DMD: variants seen among roughly 807,000 people sequenced by gnomAD.
DMD encodes the protein mutant dystrophin.
A neutral mutation model predicts 330.1 loss-of-function variants in DMD; 63 were observed. The ratio of observed to expected loss-of-function variants is 0.19; its 90% CI spans 0.16 to 0.24. DMD has a LOEUF of 0.24. Among genes scored for constraint, DMD ranks in the 10% least tolerant of loss-of-function variants. The probability of loss-of-function intolerance (pLI) is 1.00; values close to 1 mark genes in which losing one functional copy is unlikely to be tolerated. For synonymous variants in DMD, 1,223 were observed against 959.8 expected, an observed-to-expected ratio of 1.27 and a Z score of -5.07; for missense variants, 3,344 against 2,684.1, an observed-to-expected ratio of 1.25 and a Z score of -5.43.
At chrX:31,396,470 T>C (rs2060945044) in intron 60 of DMD, among the ~76,000 whole-genome samples, 1 of 109,743 alleles carries the variant, frequency 9.1e-6, no homozygotes, top group Non-Finnish European at 1.9e-5. Context: ...TACATAAATA[T>C]GTGTGCACTT....
At chrX:32,025,220 C>T (rs1271691841) in intron 44 of DMD, among the ~76,000 whole-genome samples, 3 of 112,027 alleles carry the variant, frequency 2.7e-5, no homozygotes, top group Non-Finnish European at 5.6e-5. Flanking sequence ...TTGCATTTGA[C>T]TTCGTATCAC....
At chrX:32,501,967 T>C in intron 18 of DMD, 125 bp from the exon 19 acceptor site, 1 of 525,595 alleles carries the variant, frequency 1.9e-6, no homozygotes, top group Middle Eastern at 3.5e-4. Context: ...CACGTGAATC[T>C]AAAGACTTTT....
intron 16 of DMD, among the ~76,000 whole-genome samples, chrX:32,554,658 G>T (rs971294869): frequency 2.8e-5 from 3 of 108,014 alleles, no homozygotes; most frequent in African/African-American, 1.0e-4. Flanking sequence ...CCCAGGTCCA[G>T]ATGGAATCAT....
intron 21 of DMD, among the ~76,000 whole-genome samples, chrX:32,481,821 G>C (rs189231586): frequency 9.0e-6 from 1 of 111,706 alleles, no homozygotes; most frequent in Non-Finnish European, 1.9e-5. Flanking sequence ...AAGACATATT[G>C]CTCTTGATTT....
intron 7 of DMD, among the ~76,000 whole-genome samples, chrX:32,735,132 G>C (rs983501200): frequency 1.8e-5 from 2 of 108,169 alleles, no homozygotes; most frequent in African/African-American, 3.5e-5. Context: ...CAGACAAGCA[G>C]AGAGCCAAAT....
At chrX:31,943,957 T>G (rs2095047121) in intron 45 of DMD, among the ~76,000 whole-genome samples, 1 of 105,458 alleles carries the variant, frequency 9.5e-6, no homozygotes, top group African/African-American at 3.4e-5. Context: ...ATCACTTTCA[T>G]ACTCGAGCAG....
intron 4 of DMD, among the ~76,000 whole-genome samples, chrX:32,840,827 G>T (rs2080095197): frequency 9.0e-6 from 1 of 111,532 alleles, no homozygotes; most frequent in African/African-American, 3.3e-5. Context: ...TTCCAGTTTG[G>T]GCTATCACAA....
intron 36 of DMD, 140 bp from the exon 37 acceptor site, chrX:32,363,098 G>T (rs182459483): frequency 3.5e-6 from 2 of 570,703 alleles, no homozygotes; most frequent in Non-Finnish European, 5.7e-6. Context: ...GAAAATGAGA[G>T]CAAGCACATG....
intron 1 of DMD, among the ~76,000 whole-genome samples, chrX:33,185,738 T>C (rs1255917410): frequency 2.7e-5 from 3 of 111,885 alleles, no homozygotes; most frequent in Non-Finnish European, 5.6e-5. Context: ...TCCTGGTTTC[T>C]CTACTTCTGT....
At chrX:32,337,578 AC>A (rs1396118859) in intron 41 of DMD, among the ~76,000 whole-genome samples, 3 of 110,022 alleles carry the variant, frequency 2.7e-5, no homozygotes, top group Admixed American at 9.9e-5. Flanking sequence ...GAGGTTTAGC[AC>A]TTTTTTGCTA....
At chrX:31,365,162 G>A (rs992091660) in intron 60 of DMD, among the ~76,000 whole-genome samples, 1 of 106,060 alleles carries the variant, frequency 9.4e-6, no homozygotes, top group East Asian at 2.9e-4. Flanking sequence ...CACTAGTTTC[G>A]AGGCTTTTTG....
chrX:31,478,581 C>T (rs1263277243), intron 58 of DMD, among the ~76,000 whole-genome samples: 1 of 111,737 alleles, frequency 8.9e-6, no homozygotes, highest in Non-Finnish European at 1.9e-5. Context: ...ATCAATCCGA[C>T]AATTTAAGAT....
intron 43 of DMD, among the ~76,000 whole-genome samples, chrX:32,274,904 A>G (rs1169298760): frequency 8.9e-6 from 1 of 112,070 alleles, no homozygotes; most frequent in Non-Finnish European, 1.9e-5. Flanking sequence ...TATGGGGTTA[A>G]TCTTTTGCAG....
chrX:33,143,053 C>G (rs1278856938), intron 1 of DMD, among the ~76,000 whole-genome samples: 1 of 111,523 alleles, frequency 9.0e-6, no homozygotes, highest in Non-Finnish European at 1.9e-5. Context: ...AATAACCTAA[C>G]AGTGATTATT....
intron 23 of DMD, among the ~76,000 whole-genome samples, chrX:32,466,791 G>C (rs2040073852): frequency 9.0e-6 from 1 of 111,598 alleles, no homozygotes; most frequent in South Asian, 3.8e-4. Context: ...AGCTAAAAAT[G>C]CCAATAAAAC....
intron 52 of DMD, among the ~76,000 whole-genome samples, chrX:31,711,899 G>T (rs1569275143): frequency 9.0e-6 from 1 of 111,027 alleles, no homozygotes; most frequent in Non-Finnish European, 1.9e-5. Flanking sequence ...ATCTGTAAGA[G>T]ATCTATTATG....
At chrX:31,125,783 C>A (rs2033565509) in intron 78 of DMD, among the ~76,000 whole-genome samples, 2 of 112,268 alleles carry the variant, frequency 1.8e-5, no homozygotes, top group South Asian at 7.5e-4. Flanking sequence ...TCCCTTTCAA[C>A]CCATAAATAG....
chrX:33,013,396 C>T (rs2093737635), intron 2 of DMD, among the ~76,000 whole-genome samples: 1 of 111,348 alleles, frequency 9.0e-6, no homozygotes, highest in African/African-American at 3.3e-5. Flanking sequence ...TTCATCTCTC[C>T]AAAATAATTG....
At chrX:32,082,011 A>G (rs2096395187) in intron 44 of DMD, among the ~76,000 whole-genome samples, 1 of 111,304 alleles carries the variant, frequency 9.0e-6, no homozygotes, top group African/African-American at 3.3e-5. Context: ...TTTGGCTGTC[A>G]GGAGTTGTGT....
Sources: gnomAD v4.1 joint callset for allele counts (sites outside exome capture counted in the v4.1 genomes callset) on GRCh38, gnomAD v4.1.1 for gene constraint, MANE v1.5 for transcripts, NCBI Gene and HGNC (gene_info 2026-07-23, HGNC 2026-07-21) for gene names.